The following WDFY2 variants were observed in gnomAD, a reference collection of about 807,000 sequenced individuals.
WDFY2 encodes the protein WD repeat and FYVE domain-containing protein 2.
A neutral mutation model predicts 56.4 loss-of-function variants in WDFY2; 36 were observed. The observed-to-expected ratio is 0.64, with a 90% CI of 0.49 to 0.84. The LOEUF (loss-of-function observed/expected upper bound fraction) is 0.84, where lower values mean the gene tolerates loss of function less well. Ranked by LOEUF, WDFY2 falls within the 40% of genes least tolerant of loss-of-function variation. The pLI is 0.00. For synonymous variants in WDFY2, 176 were observed against 183.7 expected, an observed-to-expected ratio of 0.96 and a Z score of 0.34; for missense variants, 444 against 512.2, an observed-to-expected ratio of 0.87 and a Z score of 1.29.
intron 3 of WDFY2, among the ~76,000 whole-genome samples, chr13:51,693,436 A>T (rs1392519741): frequency 0.013 from 2,028 of 151,852 alleles, 53 homozygotes; most frequent in African/African-American, 0.047. Context: ...TCATTTCGTT[A>T]TGTACCCAGT....
chr13:51,675,172 C>T lies in WDFY2; in HGVS notation c.208C>T (p.Pro70Ser), dbSNP rs761113769. Residue 70 changes from proline (P) to serine (S), a missense_variant and splice_region_variant, in exon 3 of 12, where the codon CCA becomes TCA. Physicochemically the swap from Pro to Ser is moderately conservative, Grantham distance 74 (BLOSUM62 -1). Transcript: ENST00000298125. ...ATCAACATGTTCATTTCTTTCAGCTCCATGTTCATGCATGTCTTTTAACCC... is the reference window on the plus strand; with the variant it reads ...ATCAACATGTTCATTTCTTTCAGCTTCATGTTCATGCATGTCTTTTAACCC... ...WPSVYHAMPS[P>S]CSCMSFNPET... The T allele has an allele frequency of 4.3e-6, 7 of 1,613,802 alleles. No individual in the cohort carries two copies. In the South Asian group the frequency reaches 6.6e-5, roughly 15 times the overall value.
intron 4 of WDFY2, among the ~76,000 whole-genome samples, chr13:51,704,098 G>T (rs1315057282): frequency 6.6e-6 from 1 of 152,162 alleles, no homozygotes; most frequent in Non-Finnish European, 1.5e-5. Flanking sequence ...TTTTGGAAGG[G>T]ATTTCTTTAT....
At chr13:51,713,401 C>A (rs1280364002) in intron 4 of WDFY2, among the ~76,000 whole-genome samples, 2 of 152,156 alleles carry the variant, frequency 1.3e-5, no homozygotes, top group East Asian at 1.9e-4. Context: ...ATGTTCATAG[C>A]AGCATTGTTT....
chr13:51,721,687 A>G (rs1404158427), intron 5 of WDFY2, among the ~76,000 whole-genome samples: 1 of 152,090 alleles, frequency 6.6e-6, no homozygotes, highest in Non-Finnish European at 1.5e-5. Flanking sequence ...CTGCAGTACT[A>G]CAGACAGGCC....
chr13:51,645,041 TAAAG>T (rs766880789), intron 1 of WDFY2, among the ~76,000 whole-genome samples: 1 of 152,188 alleles, frequency 6.6e-6, no homozygotes, highest in African/African-American at 2.4e-5. Context: ...TACAAGTAAT[TAAAG>T]AAATCTGATA....
chr13:51,586,058 G>A, intron 1 of WDFY2: 1 of 398,544 alleles, frequency 2.5e-6, no homozygotes. Context: ...ATACACCAGT[G>A]GCAAGCATTC....
At chr13:51,737,221 A>G (rs1255858350) in intron 6 of WDFY2, among the ~76,000 whole-genome samples, 1 of 152,104 alleles carries the variant, frequency 6.6e-6, no homozygotes, top group East Asian at 1.9e-4. Flanking sequence ...AGCCAGGCAC[A>G]TGCTTCCCAT....
intron 1 of WDFY2, among the ~76,000 whole-genome samples, chr13:51,652,303 C>T (rs544248268): frequency 6.6e-6 from 1 of 152,272 alleles, no homozygotes; most frequent in Admixed American, 6.5e-5. Context: ...TGTGTCTCTG[C>T]ATGTGAGATG....
chr13:51,745,219 A>G (rs767818547), intron 7 of WDFY2, among the ~76,000 whole-genome samples: 12 of 152,226 alleles, frequency 7.9e-5, no homozygotes, highest in Non-Finnish European at 1.0e-4. Flanking sequence ...GTGGCACTCT[A>G]TACTTTAAAA....
chr13:51,649,022 G>T (rs538614666), intron 1 of WDFY2, among the ~76,000 whole-genome samples: 1 of 152,142 alleles, frequency 6.6e-6, no homozygotes, highest in African/African-American at 2.4e-5. Flanking sequence ...TGGCATGCAC[G>T]TGTAATCCCA....
intron 3 of WDFY2, among the ~76,000 whole-genome samples, chr13:51,698,114 T>TCA (rs1951913956): frequency 2.6e-5 from 4 of 152,214 alleles, no homozygotes; most frequent in Non-Finnish European, 5.9e-5. Flanking sequence ...GTATGTGTTT[T>TCA]AGCTCGGATT....
At chr13:51,712,349 G>A (rs974981342) in intron 4 of WDFY2, among the ~76,000 whole-genome samples, 1 of 151,996 alleles carries the variant, frequency 6.6e-6, no homozygotes, top group Non-Finnish European at 1.5e-5. Context: ...TGTAAATGAC[G>A]AGTTAATGGG....
chr13:51,599,462 T>C, intron 1 of WDFY2: 1 of 158,642 alleles, frequency 6.3e-6, no homozygotes, highest in Non-Finnish European at 1.4e-5. Context: ...CCAGCTCTAT[T>C]AATGTATCTA....
At chr13:51,623,347 A>G (rs1954776963) in intron 1 of WDFY2, among the ~76,000 whole-genome samples, 1 of 152,126 alleles carries the variant, frequency 6.6e-6, no homozygotes, top group African/African-American at 2.4e-5. Context: ...TGGAAAGATG[A>G]AAAGGAGGCT....
intron 1 of WDFY2, among the ~76,000 whole-genome samples, chr13:51,649,014 G>A (rs925467369): frequency 1.3e-5 from 2 of 152,176 alleles, no homozygotes; most frequent in African/African-American, 4.8e-5. Flanking sequence ...GAGTGTGGTG[G>A]CATGCACGTG....
At chr13:51,623,007 A>G (rs1593892317) in intron 1 of WDFY2, among the ~76,000 whole-genome samples, 1 of 152,040 alleles carries the variant, frequency 6.6e-6, no homozygotes, top group South Asian at 2.1e-4. Flanking sequence ...ACAAGCACGC[A>G]CAACCATGCC....
At chr13:51,652,837 A>AT (rs1453969434) in intron 1 of WDFY2, among the ~76,000 whole-genome samples, 1 of 151,932 alleles carries the variant, frequency 6.6e-6, no homozygotes, top group South Asian at 2.1e-4. Flanking sequence ...TGCCCTTAAC[A>AT]TTTTTTCCTT....
chr13:51,712,993 C>T (rs1952257886), intron 4 of WDFY2, among the ~76,000 whole-genome samples: 2 of 152,264 alleles, frequency 1.3e-5, no homozygotes, highest in Non-Finnish European at 2.9e-5. Flanking sequence ...TTAAAACCTT[C>T]CCACAAAGAA....
chr13:51,720,632 G>A (rs780069973), intron 5 of WDFY2, among the ~76,000 whole-genome samples: 2 of 152,082 alleles, frequency 1.3e-5, no homozygotes, highest in Non-Finnish European at 2.9e-5. Flanking sequence ...TTATCCATTC[G>A]GGCTGCTATA....
Sources: allele counts gnomAD v4.1 joint callset (sites outside exome capture counted in the v4.1 genomes callset), GRCh38; gene constraint gnomAD v4.1.1; transcripts MANE v1.5; gene names NCBI Gene and HGNC (gene_info 2026-07-23, HGNC 2026-07-21).